The following DHRS4L2 variants were observed in gnomAD, a reference collection of about 807,000 sequenced individuals.
DHRS4L2 encodes the protein dehydrogenase/reductase 4 like 2, also known as dehydrogenase/reductase SDR family member 4-like 2.
Under a neutral mutation model 23.9 loss-of-function variants are expected in DHRS4L2, and 22 were observed. The observed-to-expected ratio is 0.92, with a 90% CI of 0.66 to 1.31. The LOEUF (loss-of-function observed/expected upper bound fraction) is 1.31, where lower values mean the gene tolerates loss of function less well. DHRS4L2 is among the 40% of genes most tolerant of loss of function. The probability of loss-of-function intolerance (pLI) is 0.00; values close to 1 mark genes in which losing one functional copy is unlikely to be tolerated. For synonymous variants in DHRS4L2, 141 were observed against 123.7 expected (o/e 1.14, Z -0.93); for missense variants, 385 against 303.3 (o/e 1.27, Z -2.00).
intron 6 of DHRS4L2, among the ~76,000 whole-genome samples, chr14:24,004,006 C>G (rs1305312326): frequency 8.9e-6 from 1 of 112,522 alleles, no homozygotes; most frequent in East Asian, 3.3e-4. Flanking sequence ...TGGGGTGGCT[C>G]ATGCCTGTAA....
At chr14:24,001,973 TC>T (rs1313470330) in intron 6 of DHRS4L2, among the ~76,000 whole-genome samples, 49 of 47,378 alleles carry the variant, frequency 1.0e-3, no homozygotes, top group South Asian at 3.0e-3. Flanking sequence ...TTTTTTTTTT[TC>T]TTTTTTAATT....
At chr14:23,992,742 G>A (rs1416716620) in intron 2 of DHRS4L2, among the ~76,000 whole-genome samples, 1 of 150,606 alleles carries the variant, frequency 6.6e-6, no homozygotes, top group Non-Finnish European at 1.5e-5. Context: ...CTGCAGTGCA[G>A]TGACATGATC....
chr14:23,974,544 C>A (rs1283827819), intron 1 of DHRS4L2, among the ~76,000 whole-genome samples: 4 of 151,478 alleles, frequency 2.6e-5, no homozygotes, highest in East Asian at 1.9e-4. Flanking sequence ...CAAATAGACA[C>A]AATAAAAAAT....
At chr14:23,987,287 C>A (rs778541721), upstream of DHRS4L2, 3 of 282,682 alleles carry the variant, frequency 1.1e-5, no homozygotes, top group Non-Finnish European at 2.1e-5. Context: ...AGTACCACCA[C>A]GCCCGGCTAA....
Position 23,990,273 on chromosome 14 carries a change from G to A in DHRS4L2, c.220G>A (p.Ala74Thr). The change falls in exon 2 of 8, where the codon GCC becomes ACC. Residue 74 changes from alanine (A) to threonine (T), a missense_variant. Transcript: ENST00000335125. ...RKQQNVDQAV[A>T]TLQGEGLSVT... The stretch of plus-strand genomic sequence containing the variant: ...GCAGCAGAATGTGGACCAGGCGGTG[G>A]CCACGCTGCAGGGGGAGGGGCTGAG... 6.2e-7 allele frequency: 1 copy of A among 1,612,668 alleles called. No homozygotes were observed.
At chr14:23,972,821 G>T (rs550739613) in intron 1 of DHRS4L2, among the ~76,000 whole-genome samples, 2 of 151,916 alleles carry the variant, frequency 1.3e-5, no homozygotes, top group East Asian at 1.9e-4. Flanking sequence ...TAAGGAGAAG[G>T]TCAGCAACAA....
rs1594463614 is a variant in DHRS4L2 at position 23,989,008 on chromosome 14, A to G, written c.61A>G (p.Ser21Gly). ...GGCACGGAAGTCGGTGCGGATGGCC[A>G]GCTCCAGGATGACCCGCCGGGACCC... Reference protein sequence around the residue: ...AWARKSVRMASSRMTRRDPLT... With the variant: ...AWARKSVRMAGSRMTRRDPLT... Residue 21 changes from serine to glycine, a missense_variant, in exon 1 of 8, where the codon AGC (serine) becomes GGC (glycine). Ser to Gly is a moderately conservative substitution (Grantham distance 56). Transcript: ENST00000335125. 1 of 1,610,116 alleles carries G rather than the reference A, an allele frequency of 6.2e-7. No individual in the cohort carries two copies. The highest frequency in any genetic ancestry group is 8.5e-7 in the Non-Finnish European group (1 of 1,178,336).
rs766319643 is a variant in DHRS4L2, at chr14:24,001,432, A to G, written c.580A>G (p.Asn194Asp). Residue 194 changes from asparagine to aspartate, a missense_variant, in exon 6 of 8, where the codon AAT (asparagine) becomes GAT (aspartate). Coordinates refer to ENST00000335125, the MANE Select transcript of DHRS4L2 (RefSeq NM_198083.4). ...TAAAACAGCCTTGCTGGGCCTCAAC[A>G]ATACCCTGGCCATAGAGCTGGCCCC... ...VSKTALLGLNNTLAIELAPRN... is the reference protein window; with the variant it reads ...VSKTALLGLNDTLAIELAPRN... 14 of 1,607,828 alleles carry G rather than the reference A, an allele frequency of 8.7e-6. 1 individual carries two copies. The South Asian group carries it at 1.4e-4, about 16-fold the overall frequency.
At chr14:23,995,581 A>C (rs2034364715) in intron 3 of DHRS4L2, among the ~76,000 whole-genome samples, 1 of 151,890 alleles carries the variant, frequency 6.6e-6, no homozygotes, top group Non-Finnish European at 1.5e-5. Context: ...TGAAATGACC[A>C]GTTGCCACTT....
At chr14:24,004,286 A>T in intron 6 of DHRS4L2, 51 bp from the exon 7 acceptor site, 2 of 1,531,106 alleles carry the variant, frequency 1.3e-6, no homozygotes, top group Non-Finnish European at 1.7e-6. Context: ...AAAAAAAAAA[A>T]AAGAAAGGAA....
Position 24,005,973 on chromosome 14 carries a change from G to T in DHRS4L2, c.*110G>T. On this transcript the variant is annotated 3_prime_UTR_variant, in exon 8 of 8. Transcript: ENST00000335125. ...ACATCACTGGGGAAACAGTGGTGGT[G>T]GGTGGAGGAACCCCGTCCCGCCTCT... 2 of 1,611,130 alleles carry T rather than the reference G, an allele frequency of 1.2e-6. No individual in the cohort carries two copies. The highest frequency in any genetic ancestry group is 1.7e-6 in the Non-Finnish European group (2 of 1,179,016).
At chr14:23,998,640 C>T (rs2034428545) in intron 3 of DHRS4L2, among the ~76,000 whole-genome samples, 2 of 151,840 alleles carry the variant, frequency 1.3e-5, no homozygotes, top group South Asian at 2.1e-4. Context: ...TCCGGAGCTT[C>T]TTCACTTCTC....
chr14:23,999,374 A>T (rs1295733331), intron 3 of DHRS4L2, among the ~76,000 whole-genome samples: 3 of 136,066 alleles, frequency 2.2e-5, no homozygotes, highest in African/African-American at 8.4e-5. Flanking sequence ...AAAAAAAAAA[A>T]CAATATCTGC....
In DHRS4L2 at chr14:23,995,035, G is replaced by A. The variant is rs377406721; in HGVS notation, c.310G>A (p.Val104Met). 6.2e-6 allele frequency: 10 copies of A among 1,612,776 alleles called. No homozygotes were observed. The highest frequency in any genetic ancestry group is 1.6e-4 in the Middle Eastern group (1 of 6,080). ...CAGACCTTACCCCTCTCTCTAGGCT[G>A]TGAAGCTTCATGGAGGTATCGATAT... ...EDRERLVAMA[V>M]KLHGGIDILV... The change falls in exon 3 of 8, where the codon GTG (valine) becomes ATG (methionine). Residue 104 changes from valine (V) to methionine (M), a missense_variant. Physicochemically the swap from Val to Met is conservative, Grantham distance 21 (BLOSUM62 1). Coordinates refer to ENST00000335125, the MANE Select transcript of DHRS4L2 (RefSeq NM_198083.4).
rs201556785 is a variant in DHRS4L2 at position 23,979,203 on chromosome 14, T to C, written c.-176+8871T>C. Among the ~76,000 whole-genome samples, 58 of 149,386 alleles carry C rather than the reference T, an allele frequency of 3.9e-4. 5 individuals carry two copies. The South Asian group carries it at 5.4e-3, about 14-fold the overall frequency. The stretch of plus-strand genomic sequence containing the variant: ...CAAAGATCAAAAGAGACAAGGCCAT[T>C]ACATAATGGTAAAGGGATCAATTCA... On this transcript the variant is annotated intron_variant, in intron 1 of 5. Coordinates refer to the DHRS4L2 transcript ENST00000534993.
At chr14:23,984,334 T>G (rs751450822), upstream of DHRS4L2, among the ~76,000 whole-genome samples, 7 of 151,646 alleles carry the variant, frequency 4.6e-5, no homozygotes, top group Non-Finnish European at 8.8e-5. Flanking sequence ...TGAACAGATG[T>G]GTTGATTTGA....
rs767570135 is a variant in DHRS4L2 at position 23,990,335 on chromosome 14, G to A, written c.282G>A (p.Glu94=). 1 of 1,611,748 alleles carries A rather than the reference G, an allele frequency of 6.2e-7. No individual in the cohort carries two copies. Among genetic ancestry groups the A allele is most frequent in the East Asian group, 2.2e-5 (1 of 44,850 alleles). The change falls in exon 2 of 8, where the codon GAG becomes GAA. Residue 94 remains glutamate, a synonymous_variant. Transcript: ENST00000335125. The part of the protein sequence containing the change: ...TGTVCHVGKA[E]DRERLVAMAV... ...CTGTGTGCCATGTGGGGAAGGCGGA[G>A]GACCGGGAGCGGCTGGTGGCCATGG...
At chr14:23,985,224 G>T (rs2034118900), upstream of DHRS4L2, among the ~76,000 whole-genome samples, 2 of 151,630 alleles carry the variant, frequency 1.3e-5, no homozygotes, top group Non-Finnish European at 2.9e-5. Flanking sequence ...GTGGAATGCT[G>T]AGTTGGTCAC....
At chr14:23,999,119 A>G (rs4982836) in intron 3 of DHRS4L2, among the ~76,000 whole-genome samples, 42,581 of 128,418 alleles carry the variant, frequency 0.33, 8,965 homozygotes, top group East Asian at 0.6. Context: ...AACATTTTTC[A>G]ATTAAGTTGA....
Sources: gnomAD v4.1 joint callset for allele counts (sites outside exome capture counted in the v4.1 genomes callset) on GRCh38, gnomAD v4.1.1 for gene constraint, MANE v1.5 for transcripts, NCBI Gene and HGNC (gene_info 2026-07-23, HGNC 2026-07-21) for gene names.